Variants in DNAH8 observed in about 807,000 individuals in gnomAD.
DNAH8 encodes axonemal beta dynein heavy chain 8.
In DNAH8, 382 loss-of-function variants were observed where a neutral mutation model predicts 562.1. The observed-to-expected ratio is 0.68, with a 90% confidence interval of 0.63 to 0.74. The LOEUF is 0.74. Ranked by LOEUF, DNAH8 falls within the 30% of genes least tolerant of loss-of-function variation. DNAH8 has a pLI of 0.00. For synonymous variants in DNAH8, 1,881 were observed against 1,919.4 expected (o/e 0.98, Z 0.52); for missense variants, 5,203 against 5,620.4 (o/e 0.93, Z 2.37).
At chr6:38,874,239 C>T (rs1777786393) in intron 52 of DNAH8, among the ~76,000 whole-genome samples, 1 of 42,002 alleles carries the variant, frequency 2.4e-5, no homozygotes, top group Non-Finnish European at 5.3e-5. Context: ...TTTCTCCCCT[C>T]CCTCCCCTTC....
chr6:38,891,404 A>G (rs968172102), intron 58 of DNAH8, among the ~76,000 whole-genome samples: 2 of 152,234 alleles, frequency 1.3e-5, no homozygotes, highest in African/African-American at 4.8e-5. Flanking sequence ...GGAGATAAGG[A>G]TTAGTTGTCG....
Position 38,857,780 on chromosome 6 carries a change from A to G in DNAH8, c.5958+38A>G, listed in dbSNP as rs776331493. On this transcript the variant is annotated intron_variant, in intron 42 of 92. Transcript: ENST00000327475. Reference sequence around the variant, plus strand: ...TTTTTTTAATTTAGTGTACTAACTAATAATGAACAGCTAAGAATTGTATAT... The same window carrying G: ...TTTTTTTAATTTAGTGTACTAACTAGTAATGAACAGCTAAGAATTGTATAT... 3.9e-6 allele frequency: 5 copies of G among 1,291,462 alleles called. No homozygotes were observed. The African/African-American group carries it at 5.9e-5, about 15-fold the overall frequency. 80.0% of individuals were successfully genotyped at this position (1,291,462 alleles called of 1,614,324 possible).
chr6:38,755,895 G>A lies in DNAH8; in HGVS notation c.1408-77G>A, dbSNP rs1384904503. 9.2e-6 allele frequency: 8 copies of A among 871,188 alleles called. No individual in the cohort carries two copies. The African/African-American group carries it at 1.2e-4, about 13-fold the overall frequency. 54.0% of individuals were successfully genotyped at this position (871,188 alleles called of 1,614,324 possible). Reference sequence around the variant, plus strand: ...CTATACTATTTTGTGTACCTTTAGAGTTTTGAGTATTATAGAATATTGGTT... The same window carrying A: ...CTATACTATTTTGTGTACCTTTAGAATTTTGAGTATTATAGAATATTGGTT... On this transcript the variant is annotated intron_variant, in intron 9 of 92. Transcript: ENST00000327475.
At position 38,722,957 on chromosome 6, in the gene DNAH8, T is replaced by A; in HGVS notation, c.148T>A (p.Ser50Thr). The A allele has an allele frequency of 1.2e-6, 2 of 1,612,678 alleles. No individual in the cohort carries two copies. Among genetic ancestry groups the A allele is most frequent in the Non-Finnish European group, 1.7e-6 (2 of 1,179,750 alleles). The change falls in exon 2 of 93, where the codon TCC becomes ACC. Residue 50 changes from serine to threonine, a missense_variant. Physicochemically the swap from Ser to Thr is moderately conservative, Grantham distance 58. Around this residue, in one of 6 missense-constraint regions of DNAH8, gnomAD observed 556 missense variants for 496.9 expected, o/e 1.12. Coordinates refer to ENST00000327475, the MANE Select transcript of DNAH8 (RefSeq NM_001206927.2). ...EAPAEDGFSP[S>T]AEDAVSSVVD... The stretch of plus-strand genomic sequence containing the variant: ...CCCGGCAGAAGATGGTTTCTCTCCT[T>A]CCGCAGAAGATGCTGTTTCTTCTGT...
chr6:38,934,279 G>T (rs1782776963), intron 76 of DNAH8, among the ~76,000 whole-genome samples: 1 of 150,296 alleles, frequency 6.7e-6, no homozygotes. Context: ...CTTGAACCTG[G>T]GCGGCAGAGG....
chr6:38,918,956 A>T (rs1399543527), intron 70 of DNAH8, among the ~76,000 whole-genome samples: 3 of 152,186 alleles, frequency 2.0e-5, no homozygotes, highest in Admixed American at 6.6e-5. Flanking sequence ...CCTGTGCATG[A>T]GGAACTTTGA....
At chr6:38,933,476 T>C (rs1451135858) in intron 76 of DNAH8, among the ~76,000 whole-genome samples, 3 of 152,178 alleles carry the variant, frequency 2.0e-5, no homozygotes, top group Non-Finnish European at 4.4e-5. Flanking sequence ...GCACATGGAC[T>C]TTGCAGCCTG....
chr6:38,765,890 T>A (rs1410136368), intron 11 of DNAH8, among the ~76,000 whole-genome samples: 1 of 152,184 alleles, frequency 6.6e-6, no homozygotes, highest in Non-Finnish European at 1.5e-5. Flanking sequence ...GTAGCCATTA[T>A]GAAACATAGT....
At chr6:38,977,198 GGGA>G (rs1480719218) in intron 85 of DNAH8, among the ~76,000 whole-genome samples, 192 of 152,280 alleles carry the variant, frequency 1.3e-3, no homozygotes, top group African/African-American at 4.5e-3. Context: ...TTCTTGAGGT[GGGA>G]GCAGGCTTTC....
chr6:38,858,923 G>A (rs1377769868), intron 42 of DNAH8, among the ~76,000 whole-genome samples: 1 of 152,110 alleles, frequency 6.6e-6, no homozygotes, highest in African/African-American at 2.4e-5. Flanking sequence ...CTGAAGTCCT[G>A]TGAAAGAAAT....
chr6:38,936,830 A>G (rs1354619547), intron 77 of DNAH8, among the ~76,000 whole-genome samples: 1 of 152,192 alleles, frequency 6.6e-6, no homozygotes, highest in Non-Finnish European at 1.5e-5. Flanking sequence ...GGAGTAACAC[A>G]GCCCTTCCTG....
In DNAH8 at chr6:38,762,162, T is replaced by G. The variant is rs1328370962; in HGVS notation, c.1617+359T>G. ...CATGGTAGTAGTTGCCATCCTAATT[T>G]TGATCCTGGTTTAGAAGACAATGTT... is the stretch of plus-strand genomic sequence containing the variant. On this transcript the variant is annotated intron_variant, in intron 11 of 92. Coordinates refer to ENST00000327475, the MANE Select transcript of DNAH8 (RefSeq NM_001206927.2). 2.0e-5 allele frequency among the ~76,000 whole-genome samples: 3 copies of G among 152,210 alleles called. No homozygotes were observed. The East Asian group carries it at 5.8e-4, about 29-fold the overall frequency.
At chr6:38,984,708 T>A (rs1368459309) in intron 87 of DNAH8, among the ~76,000 whole-genome samples, 2 of 152,112 alleles carry the variant, frequency 1.3e-5, no homozygotes. Flanking sequence ...GAAGAATCAC[T>A]TGAACCTGGG....
chr6:38,875,900 C>G, intron 53 of DNAH8, 72 bp downstream of exon 53: 1 of 919,158 alleles, frequency 1.1e-6, no homozygotes, highest in South Asian at 1.5e-5. Flanking sequence ...TTCATAAACT[C>G]TTCTATGAGA....
chr6:38,787,102 A>C (rs1769239090), intron 18 of DNAH8, 150 bp downstream of exon 18: 1 of 399,852 alleles, frequency 2.5e-6, no homozygotes, highest in Non-Finnish European at 4.2e-6. Context: ...TAAAATACTG[A>C]CTTGCAAACC....
Position 38,848,653 on chromosome 6 carries a change from AT to A in DNAH8, c.5052del (p.Asn1684LysfsTer21). ...TTTCCGTTCTTACCTTTTAGATACA[AT>A]GCTCCATTTAAAAAAAATATCCAGA... is the stretch of plus-strand genomic sequence containing the variant. ...VLGSLLSNRY[N>X]APFKKNIQNW... On this transcript the variant is annotated frameshift_variant, in exon 37 of 93. Transcript: ENST00000327475. LOFTEE classifies it high-confidence loss of function. The A allele has an allele frequency of 6.2e-7, 1 of 1,609,366 alleles. No individual in the cohort carries two copies. Among genetic ancestry groups the A allele is most frequent in the Non-Finnish European group, 8.5e-7 (1 of 1,176,422 alleles).
intron 66 of DNAH8, among the ~76,000 whole-genome samples, chr6:38,912,602 C>T (rs377083720): frequency 6.6e-6 from 1 of 152,190 alleles, no homozygotes; most frequent in African/African-American, 2.4e-5. Flanking sequence ...TGCAGCTTTC[C>T]TATATGATGC....
intron 30 of DNAH8, among the ~76,000 whole-genome samples, chr6:38,831,430 C>CAAAA (rs67322321): frequency 3.4e-5 from 3 of 89,016 alleles, no homozygotes; most frequent in Non-Finnish European, 4.3e-5. Flanking sequence ...GACACCATCT[C>CAAAA]AAAAAAAAAA....
In DNAH8 at chr6:38,803,319, T is replaced by C; in HGVS notation, c.3034+8T>C. 6.3e-7 allele frequency: 1 copy of C among 1,597,116 alleles called. No individual in the cohort carries two copies. The highest frequency in any genetic ancestry group is 1.7e-5 in the Admixed American group (1 of 57,590). ...AAGTAGGAAAACAGTCAGGTAACTT[T>C]TCTCGTTACTGTGTTTGAATTACAA... On this transcript the variant is annotated splice_region_variant and intron_variant, in intron 22 of 92. Transcript: ENST00000327475.
Sources: gnomAD v4.1 joint callset for allele counts (sites outside exome capture counted in the v4.1 genomes callset) on GRCh38, gnomAD v4.1.1 for gene constraint, gnomAD v4.1.1 regional missense constraint, MANE v1.5 for transcripts, NCBI Gene and HGNC (gene_info 2026-07-23, HGNC 2026-07-21) for gene names.